Variants in PCDHGB7 observed in about 807,000 individuals in gnomAD.
PCDHGB7 encodes protocadherin gamma-B7.
A neutral mutation model predicts 61.4 loss-of-function variants in PCDHGB7; 37 were observed. The ratio of observed to expected loss-of-function variants is 0.60; its 90% CI spans 0.46 to 0.79. PCDHGB7 has a LOEUF of 0.79. Among genes scored for constraint, PCDHGB7 ranks in the 30% least tolerant of loss-of-function variants. The pLI, the probability that PCDHGB7 is intolerant of heterozygous loss-of-function variation, is 0.00. For synonymous variants in PCDHGB7, 464 were observed against 503.5 expected (o/e 0.92, Z 1.05); for missense variants, 1,166 against 1,202.5 (o/e 0.97, Z 0.45).
rs1300052006 is a variant in PCDHGB7 at position 141,417,686 on chromosome 5, G to A, written c.-174G>A. 9 of 1,068,196 alleles carry A rather than the reference G, an allele frequency of 8.4e-6. No homozygotes were observed. The highest frequency in any genetic ancestry group is 1.8e-5 in the South Asian group (1 of 56,570). 66.2% of individuals were successfully genotyped at this position (1,068,196 alleles called of 1,614,324 possible). On this transcript the variant is annotated 5_prime_UTR_variant, in exon 1 of 4. Coordinates refer to ENST00000398594, the MANE Select transcript of PCDHGB7 (RefSeq NM_018927.4). ...TCCCTGCGCAGCCAACAACAGAAAAGAAAACCAGCTCCCACACAGAGGCTC... is the reference window on the plus strand; with the variant it reads ...TCCCTGCGCAGCCAACAACAGAAAAAAAAACCAGCTCCCACACAGAGGCTC...
chr5:141,428,081 C>T (rs768842388), intron 1 of PCDHGB7: 2 of 1,609,218 alleles, frequency 1.2e-6, no homozygotes, highest in Non-Finnish European at 1.7e-6. Context: ...CGGGACACAA[C>T]GCTTGGCTGT....
Position 141,417,741 on chromosome 5 carries a change from A to G in PCDHGB7, c.-119A>G, listed in dbSNP as rs1035037382. ...CTGCGCAGACCTTGCCCAGCACACCAGATTGCCAGCTCCGAGACCCGGGAC... is the reference window on the plus strand; with the variant it reads ...CTGCGCAGACCTTGCCCAGCACACCGGATTGCCAGCTCCGAGACCCGGGAC... On this transcript the variant is annotated 5_prime_UTR_variant, in exon 1 of 4. Coordinates refer to ENST00000398594, the MANE Select transcript of PCDHGB7 (RefSeq NM_018927.4). The G allele has an allele frequency of 1.7e-5, 24 of 1,413,756 alleles. No individual in the cohort carries two copies. The African/African-American group carries it at 1.7e-4, about 10-fold the overall frequency. The allele number at this position is 1,413,756 out of a possible 1,614,324, so 87.6% of individuals were successfully genotyped here.
At position 141,476,632 on chromosome 5, in the gene PCDHGB7, T is replaced by A. The variant is rs994726301; in HGVS notation, c.2416-18175T>A. ...TGGGAAGCAACTCTTTACAAACCTATGAGCTGAGCCGAAATGAATACTTTG... is the reference window on the plus strand; with the variant it reads ...TGGGAAGCAACTCTTTACAAACCTAAGAGCTGAGCCGAAATGAATACTTTG... On this transcript the variant is annotated intron_variant, in intron 1 of 3. Transcript: ENST00000398594. The surrounding 1 kb of genome is among the most constrained non-coding windows in gnomAD (Gnocchi z 7.6). 1 of 1,614,216 alleles carries A rather than the reference T, an allele frequency of 6.2e-7. No individual in the cohort carries two copies. The highest frequency in any genetic ancestry group is 8.5e-7 in the Non-Finnish European group (1 of 1,180,028).
chr5:141,426,873 C>T (rs1299082117), intron 1 of PCDHGB7: 1 of 456,702 alleles, frequency 2.2e-6, no homozygotes, highest in East Asian at 6.9e-5. Context: ...GCTGGAGAAG[C>T]CCCTGGGCCA....
chr5:141,461,591 C>T (rs1368759571), intron 1 of PCDHGB7, among the ~76,000 whole-genome samples: 1 of 152,088 alleles, frequency 6.6e-6, no homozygotes, highest in Non-Finnish European at 1.5e-5. Flanking sequence ...GTTATATTTC[C>T]ATTATAATTT....
intron 3 of PCDHGB7, among the ~76,000 whole-genome samples, chr5:141,506,444 C>T (rs542906499): frequency 2.1e-5 from 2 of 95,022 alleles, no homozygotes; most frequent in South Asian, 3.6e-4. Flanking sequence ...CGCTCTGTCT[C>T]AAAAAAAAAA....
chr5:141,448,915 A>T (rs2098616551), intron 1 of PCDHGB7, among the ~76,000 whole-genome samples: 1 of 152,238 alleles, frequency 6.6e-6, no homozygotes. Context: ...ACTGCACTCC[A>T]GCCTGGGCGA....
intron 1 of PCDHGB7, among the ~76,000 whole-genome samples, chr5:141,455,393 C>G (rs574741955): frequency 6.4e-4 from 97 of 152,150 alleles, no homozygotes; most frequent in African/African-American, 2.2e-3. Flanking sequence ...GAAGGAGCTC[C>G]CCCTTACAGA....
At chr5:141,483,648 T>TTGTGTGTGTG (rs111458813) in intron 1 of PCDHGB7, among the ~76,000 whole-genome samples, 23 of 149,708 alleles carry the variant, frequency 1.5e-4, no homozygotes, top group African/African-American at 3.9e-4. Context: ...GGGTGTGTGT[T>TTGTGTGTGTG]TGTGTGTGTG....
In PCDHGB7 at chr5:141,432,847, G is replaced by A. The variant is rs768265171; in HGVS notation, c.2415+12573G>A. On this transcript the variant is annotated intron_variant, in intron 1 of 3. Transcript: ENST00000398594. The surrounding 1 kb of genome is among the most constrained non-coding windows in gnomAD (Gnocchi z 6.0). Reference sequence around the variant, plus strand: ...ACCTCACTCTGTACCTGGTGGTAGCGGTGGCCGCGGTCTCCTGCGTCTTCC... The same window carrying A: ...ACCTCACTCTGTACCTGGTGGTAGCAGTGGCCGCGGTCTCCTGCGTCTTCC... 5.0e-6 allele frequency: 8 copies of A among 1,614,180 alleles called. No homozygotes were observed. The highest frequency in any genetic ancestry group is 6.8e-6 in the Non-Finnish European group (8 of 1,179,994).
intron 1 of PCDHGB7, chr5:141,478,843 C>G: frequency 7.2e-7 from 1 of 1,398,442 alleles, no homozygotes; most frequent in South Asian, 1.5e-5. Flanking sequence ...GATGGTTAAG[C>G]TAAAACACAA....
At chr5:141,441,763 G>A in intron 1 of PCDHGB7, 1 of 384,020 alleles carries the variant, frequency 2.6e-6, no homozygotes, top group Non-Finnish European at 5.2e-6. Flanking sequence ...GTGAGCCTGC[G>A]CGTGTTGGTG....
chr5:141,448,704 G>A (rs1272148301), intron 1 of PCDHGB7, among the ~76,000 whole-genome samples: 1 of 152,134 alleles, frequency 6.6e-6, no homozygotes. Flanking sequence ...ACTTTGGGAG[G>A]CCGAGGCGGG....
In PCDHGB7 at chr5:141,477,088, C is replaced by G. The variant is rs1008530221; in HGVS notation, c.2416-17719C>G. On this transcript the variant is annotated intron_variant, in intron 1 of 3. Transcript: ENST00000398594. This position sits in a 1 kb window ranked among gnomAD's most constrained non-coding sequence, Gnocchi z 4.9. ...AACTCCATGAGATTTACATCCAGGC[C>G]AAAGACAAGGGCGCCAATCCCGAAG... The G allele has an allele frequency of 1.2e-6, 2 of 1,614,112 alleles. No individual in the cohort carries two copies. The highest frequency in any genetic ancestry group is 1.6e-4 in the Middle Eastern group (1 of 6,084).
intron 1 of PCDHGB7, among the ~76,000 whole-genome samples, chr5:141,445,458 A>G (rs1427391084): frequency 6.6e-6 from 1 of 152,248 alleles, no homozygotes; most frequent in Non-Finnish European, 1.5e-5. Flanking sequence ...TGCAGCAATG[A>G]ACAAGGCATA....
Position 141,481,350 on chromosome 5 carries a change from T to C in PCDHGB7, c.2416-13457T>C, listed in dbSNP as rs901892475. Among the ~76,000 whole-genome samples, 4 of 152,248 alleles carry C rather than the reference T, an allele frequency of 2.6e-5. No homozygotes were observed. The South Asian group carries it at 8.3e-4, about 32-fold the overall frequency. On this transcript the variant is annotated intron_variant, in intron 1 of 3. Coordinates refer to ENST00000398594, the MANE Select transcript of PCDHGB7 (RefSeq NM_018927.4). The stretch of plus-strand genomic sequence containing the variant: ...CCTGGACAACTATTATTTAAACATC[T>C]ACAGCTGTTCAATAGATATTGGGTT...
intron 1 of PCDHGB7, chr5:141,478,920 CCAGTGG>C: frequency 2.7e-6 from 2 of 728,392 alleles, no homozygotes; most frequent in South Asian, 4.5e-5. Flanking sequence ...ATACCTCTAA[CCAGTGG>C]CAGCTTCTAG....
At chr5:141,424,300 AAC>A (rs1370166165) in intron 1 of PCDHGB7, 2 of 152,504 alleles carry the variant, frequency 1.3e-5, no homozygotes, top group Non-Finnish European at 2.9e-5. Context: ...TCATCCTATC[AAC>A]ACAGACATAT....
intron 2 of PCDHGB7, among the ~76,000 whole-genome samples, chr5:141,501,690 A>G (rs760011264): frequency 5.3e-5 from 8 of 152,158 alleles, no homozygotes; most frequent in Non-Finnish European, 1.0e-4. Context: ...ACTTATCTGC[A>G]GGGTGATTCC....
Sources: gnomAD v4.1 joint callset for allele counts (sites outside exome capture counted in the v4.1 genomes callset) on GRCh38, gnomAD v4.1.1 for gene constraint, Gnocchi (gnomAD v3.1) non-coding constraint, MANE v1.5 for transcripts, NCBI Gene and HGNC (gene_info 2026-07-23, HGNC 2026-07-21) for gene names.